PWP1: variants seen among roughly 807,000 people sequenced by gnomAD.
PWP1 encodes periodic tryptophan protein 1 homolog.
A neutral mutation model predicts 69.9 loss-of-function variants in PWP1; 47 were observed. The observed-to-expected ratio is 0.67, with a 90% CI of 0.53 to 0.86. PWP1 has a LOEUF of 0.86. Ranked by LOEUF, PWP1 falls within the 40% of genes least tolerant of loss-of-function variation. The pLI, the probability that PWP1 is intolerant of heterozygous loss-of-function variation, is 0.00. For missense variants in PWP1, 551 were observed against 608.8 expected (o/e 0.91, Z 1.00); for synonymous variants, 222 against 208.2 (o/e 1.07, Z -0.57).
intron 8 of PWP1, among the ~76,000 whole-genome samples, chr12:107,701,774 T>A (rs977252736): frequency 2.7e-4 from 41 of 152,148 alleles, no homozygotes; most frequent in African/African-American, 9.6e-4. Flanking sequence ...ACCTCTGGGG[T>A]TCAAGTGATT....
intron 5 of PWP1, among the ~76,000 whole-genome samples, chr12:107,694,820 G>T (rs1282415380): frequency 3.3e-5 from 5 of 152,034 alleles, no homozygotes; most frequent in African/African-American, 1.2e-4. Context: ...TCTCAGTTAG[G>T]TTATTATAGA....
chr12:107,698,077 G>A lies in PWP1; in HGVS notation c.744+480G>A, dbSNP rs188659449. 9.2e-5 allele frequency among the ~76,000 whole-genome samples: 14 copies of A among 152,270 alleles called. No homozygotes were observed. In the East Asian group the frequency reaches 2.7e-3, roughly 29 times the overall value. ...CAGTACCTAGATTAAGAACTGCTAG[G>A]CCAGGCCACGCACGTGGCTCACTCC... On this transcript the variant is annotated intron_variant, in intron 7 of 14. Coordinates refer to ENST00000412830, the MANE Select transcript of PWP1 (RefSeq NM_007062.3).
Position 107,692,915 on chromosome 12 carries a change from T to A in PWP1, c.405+16T>A, listed in dbSNP as rs1243134843. The A allele has an allele frequency of 6.2e-6, 10 of 1,613,560 alleles. No individual in the cohort carries two copies. The highest frequency in any genetic ancestry group is 8.5e-6 in the Non-Finnish European group (10 of 1,179,844). On this transcript the variant is annotated intron_variant, in intron 4 of 14. Transcript: ENST00000412830. The stretch of plus-strand genomic sequence containing the variant: ...GAAAGATACAGTAAGTATTTACATC[T>A]TTTTTCTAATTATGCTCTTAAGTGT...
At chr12:107,686,258 C>T (rs1339119040) in intron 1 of PWP1, 2 of 517,910 alleles carry the variant, frequency 3.9e-6, no homozygotes, top group Non-Finnish European at 7.0e-6. Flanking sequence ...AAGGGGTGGG[C>T]TGCTGTTTTT....
At chr12:107,707,580 G>T (rs1056205628) in intron 11 of PWP1, among the ~76,000 whole-genome samples, 1 of 152,044 alleles carries the variant, frequency 6.6e-6, no homozygotes, top group Admixed American at 6.6e-5. Context: ...CATCAATACC[G>T]AATTTATTGA....
At chr12:107,696,414 G>A in intron 5 of PWP1, 60 bp from the exon 6 acceptor site, 1 of 1,585,764 alleles carries the variant, frequency 6.3e-7, no homozygotes, top group Non-Finnish European at 8.6e-7. Flanking sequence ...TTTTTGAGCG[G>A]GATGTGATTT....
At chr12:107,696,416 A>T (rs1889588935) in intron 5 of PWP1, 58 bp from the exon 6 acceptor site, 7 of 1,587,172 alleles carry the variant, frequency 4.4e-6, no homozygotes, top group African/African-American at 1.4e-5. Context: ...TTTGAGCGGG[A>T]TGTGATTTTT....
intron 1 of PWP1, 64 bp from the exon 2 acceptor site, chr12:107,688,384 T>C (rs1889414740): frequency 2.0e-6 from 3 of 1,471,698 alleles, no homozygotes; most frequent in Admixed American, 2.3e-5. Flanking sequence ...CAAACTACTT[T>C]TTAATTCAAA....
intron 4 of PWP1, 40 bp from the exon 5 acceptor site, chr12:107,692,960 C>A (rs369268683): frequency 2.7e-5 from 43 of 1,613,054 alleles, no homozygotes; most frequent in Non-Finnish European, 3.6e-5. Flanking sequence ...CTTACTGGCT[C>A]TCTGCTTCTA....
At chr12:107,698,223 A>G (rs1593145011) in intron 7 of PWP1, among the ~76,000 whole-genome samples, 2 of 152,190 alleles carry the variant, frequency 1.3e-5, no homozygotes, top group African/African-American at 2.4e-5. Context: ...TTAGCCAGGC[A>G]TGTTGGTGTG....
At chr12:107,698,626 C>T (rs1374585249) in intron 7 of PWP1, among the ~76,000 whole-genome samples, 1 of 152,062 alleles carries the variant, frequency 6.6e-6, no homozygotes, top group East Asian at 1.9e-4. Flanking sequence ...CTCTGTCTCC[C>T]AAGACTGGAG....
intron 1 of PWP1, 29 bp from the exon 2 acceptor site, chr12:107,688,419 A>T: frequency 6.3e-7 from 1 of 1,576,950 alleles, no homozygotes. Flanking sequence ...CCTTACACAT[A>T]TTGTAATGAA....
intron 14 of PWP1, 129 bp downstream of exon 14, chr12:107,710,639 C>A (rs1027667672): frequency 3.6e-6 from 5 of 1,390,098 alleles, no homozygotes; most frequent in Non-Finnish European, 3.8e-6. Flanking sequence ...CCTTGGTCCT[C>A]AGCCTTCTGT....
In PWP1 at chr12:107,709,242, T is replaced by C. The variant is rs775866212; in HGVS notation, c.1290+10T>C. ...TAGGGACATGAAAATGGTAAGAATCTCCCTGGGTATCTGTTTTTTATTTAT... is the reference window on the plus strand; with the variant it reads ...TAGGGACATGAAAATGGTAAGAATCCCCCTGGGTATCTGTTTTTTATTTAT... On this transcript the variant is annotated intron_variant, in intron 13 of 14. Coordinates refer to ENST00000412830, the MANE Select transcript of PWP1 (RefSeq NM_007062.3). The C allele has an allele frequency of 6.2e-7, 1 of 1,610,682 alleles. No individual in the cohort carries two copies. Among genetic ancestry groups the C allele is most frequent in the Admixed American group, 1.7e-5 (1 of 59,400 alleles).
chr12:107,688,580 T>C, intron 2 of PWP1, 35 bp from the exon 3 acceptor site: 1 of 1,610,426 alleles, frequency 6.2e-7, no homozygotes, highest in Non-Finnish European at 8.5e-7. Context: ...GAAGGTAGCA[T>C]TTGGGTGATT....
chr12:107,702,482 T>G (rs1215567528), intron 8 of PWP1, among the ~76,000 whole-genome samples: 2 of 152,164 alleles, frequency 1.3e-5, no homozygotes, highest in African/African-American at 4.8e-5. Context: ...TTTCACCATG[T>G]TGGCCAGGCT....
intron 8 of PWP1, among the ~76,000 whole-genome samples, chr12:107,700,310 C>T (rs149992578): frequency 5.3e-5 from 8 of 152,204 alleles, no homozygotes; most frequent in South Asian, 2.1e-4. Flanking sequence ...TTTTCATCTC[C>T]GTACTGCAGC....
intron 10 of PWP1, 123 bp downstream of exon 10, chr12:107,703,869 G>T: frequency 4.7e-6 from 4 of 847,176 alleles, no homozygotes; most frequent in Non-Finnish European, 7.6e-6. Context: ...TAAATTATTT[G>T]CACTACTTAT....
At position 107,709,113 on chromosome 12, in the gene PWP1, C is replaced by T; in HGVS notation, c.1171C>T (p.Leu391Phe). 6.2e-7 allele frequency: 1 copy of T among 1,613,932 alleles called. No individual in the cohort carries two copies. Among genetic ancestry groups the T allele is most frequent in the Non-Finnish European group, 8.5e-7 (1 of 1,179,918 alleles). Residue 391 changes from leucine to phenylalanine, a missense_variant and splice_region_variant, in exon 13 of 15, where the codon CTT (leucine) becomes TTT (phenylalanine). Leu to Phe is a conservative substitution (Grantham distance 22, BLOSUM62 0). Transcript: ENST00000412830. ...TGTCTAAACTTATCTTCCTTTAGGT[C>T]TTGATCTTAGCAGTCAAATCAAGGG... Reference protein sequence around the residue: ...LNAHNDEISGLDLSSQIKGCL... With the variant: ...LNAHNDEISGFDLSSQIKGCL...
Sources: allele counts gnomAD v4.1 joint callset (sites outside exome capture counted in the v4.1 genomes callset), GRCh38; gene constraint gnomAD v4.1.1; transcripts MANE v1.5; gene names NCBI Gene and HGNC (gene_info 2026-07-23, HGNC 2026-07-21).